The following HECW1 variants were observed in gnomAD, a reference collection of about 807,000 sequenced individuals.
The protein encoded by HECW1 is HECT, C2 and WW domain containing E3 ubiquitin protein ligase 1, also known as E3 ubiquitin-protein ligase HECW1.
Under a neutral mutation model 182.3 loss-of-function variants are expected in HECW1, and 61 were observed. The observed-to-expected ratio is 0.33, with a 90% CI of 0.27 to 0.41. The LOEUF (loss-of-function observed/expected upper bound fraction) is 0.41. HECW1 is among the 10% of genes least tolerant of loss of function. HECW1 has a pLI of 1.00. For synonymous variants in HECW1, 859 were observed against 832.6 expected, an observed-to-expected ratio of 1.03 and a Z score of -0.55; for missense variants, 1,739 against 2,108.9, an observed-to-expected ratio of 0.82 and a Z score of 3.44.
intron 2 of HECW1, among the ~76,000 whole-genome samples, chr7:43,177,797 C>T (rs1439903165): frequency 6.6e-6 from 1 of 152,188 alleles, no homozygotes; most frequent in East Asian, 1.9e-4. Flanking sequence ...ATCTCAATGC[C>T]TTCTCCCCTT....
At chr7:43,200,369 TAAG>T (rs1277556412) in intron 2 of HECW1, among the ~76,000 whole-genome samples, 1 of 152,232 alleles carries the variant, frequency 6.6e-6, no homozygotes, top group Non-Finnish European at 1.5e-5. Context: ...GTCAAAAACT[TAAG>T]AATGGAAAAT....
At chr7:43,295,558 G>C (rs1266885988) in intron 3 of HECW1, among the ~76,000 whole-genome samples, 2 of 152,162 alleles carry the variant, frequency 1.3e-5, no homozygotes, top group Non-Finnish European at 2.9e-5. Flanking sequence ...TCAGCCTGCT[G>C]TTGGAGGGAG....
chr7:43,234,690 G>T (rs1798163121), intron 2 of HECW1, among the ~76,000 whole-genome samples: 1 of 152,142 alleles, frequency 6.6e-6, no homozygotes, highest in Non-Finnish European at 1.5e-5. Context: ...GAAGTTGCAT[G>T]ATCTCTAACA....
At chr7:43,182,017 C>T (rs1792913684) in intron 2 of HECW1, among the ~76,000 whole-genome samples, 1 of 152,020 alleles carries the variant, frequency 6.6e-6, no homozygotes, top group African/African-American at 2.4e-5. Flanking sequence ...ATCTCCTGAC[C>T]TCGTGATCTA....
At chr7:43,348,169 T>A (rs2330790) in intron 5 of HECW1, among the ~76,000 whole-genome samples, 142,075 of 152,190 alleles carry the variant, frequency 0.93, 66,388 homozygotes, top group East Asian at 0.96. Flanking sequence ...TGTAATTTTT[T>A]AATTACCATT....
intron 24 of HECW1, among the ~76,000 whole-genome samples, chr7:43,527,448 G>A (rs115597954): frequency 0.018 from 2,812 of 152,200 alleles, 79 homozygotes; most frequent in African/African-American, 0.063. Context: ...CATCACTCCA[G>A]TCTCTGCCTC....
chr7:43,161,542 T>C (rs1790527335), intron 2 of HECW1: 1 of 152,216 alleles, frequency 6.6e-6, no homozygotes, highest in Non-Finnish European at 1.5e-5. Flanking sequence ...GCACCAGTAG[T>C]GCATGGTACA....
At chr7:43,282,055 G>A (rs1803989802) in intron 3 of HECW1, among the ~76,000 whole-genome samples, 1 of 152,148 alleles carries the variant, frequency 6.6e-6, no homozygotes, top group Non-Finnish European at 1.5e-5. Context: ...TCAGATATTA[G>A]TTGTGCAGCT....
At chr7:43,288,817 C>A (rs1805002622) in intron 3 of HECW1, among the ~76,000 whole-genome samples, 1 of 152,252 alleles carries the variant, frequency 6.6e-6, no homozygotes, top group African/African-American at 2.4e-5. Flanking sequence ...AGTGGTTCAT[C>A]TCACCCACTG....
chr7:43,219,847 C>T (rs1028050496), intron 2 of HECW1, among the ~76,000 whole-genome samples: 5 of 152,100 alleles, frequency 3.3e-5, no homozygotes, highest in African/African-American at 7.2e-5. Context: ...AGAAATTGGG[C>T]ATAAGACAAT....
chr7:43,187,852 C>T (rs1308265102), intron 2 of HECW1, among the ~76,000 whole-genome samples: 1 of 152,124 alleles, frequency 6.6e-6, no homozygotes, highest in African/African-American at 2.4e-5. Context: ...TACCCCAAAA[C>T]TACACTAAAA....
chr7:43,126,735 G>A (rs909737052), intron 2 of HECW1, among the ~76,000 whole-genome samples: 3 of 152,140 alleles, frequency 2.0e-5, no homozygotes, highest in African/African-American at 7.2e-5. Flanking sequence ...TAGTTTCCTT[G>A]TGTCACATTT....
intron 7 of HECW1, among the ~76,000 whole-genome samples, chr7:43,400,646 A>G (rs2075375011): frequency 6.6e-6 from 1 of 152,220 alleles, no homozygotes; most frequent in South Asian, 2.1e-4. Context: ...ATAAGAGATC[A>G]AAGATGAGAA....
At chr7:43,309,307 GT>G (rs1173405223) in intron 3 of HECW1, among the ~76,000 whole-genome samples, 2 of 152,144 alleles carry the variant, frequency 1.3e-5, no homozygotes, top group Non-Finnish European at 2.9e-5. Flanking sequence ...GTGGGAGAGG[GT>G]GGGGTGCAAG....
At chr7:43,411,423 AC>A (rs1014748071) in intron 8 of HECW1, among the ~76,000 whole-genome samples, 5 of 152,168 alleles carry the variant, frequency 3.3e-5, no homozygotes, top group Admixed American at 6.5e-5. Flanking sequence ...TGGTAGGCTT[AC>A]CATATCAACT....
At chr7:43,535,905 G>A (rs1198529178) in intron 24 of HECW1, among the ~76,000 whole-genome samples, 1 of 152,050 alleles carries the variant, frequency 6.6e-6, no homozygotes, top group African/African-American at 2.4e-5. Flanking sequence ...ATTTTTCTTT[G>A]GCAGGAGGGA....
intron 2 of HECW1, among the ~76,000 whole-genome samples, chr7:43,221,006 G>A (rs1796891023): frequency 6.6e-6 from 1 of 152,186 alleles, no homozygotes; most frequent in Admixed American, 6.5e-5. Context: ...GGGACCATTT[G>A]GGCTCAGCAT....
chr7:43,222,835 C>A (rs1348659540), intron 2 of HECW1, among the ~76,000 whole-genome samples: 1 of 152,112 alleles, frequency 6.6e-6, no homozygotes, highest in Non-Finnish European at 1.5e-5. Flanking sequence ...GGGCTGTGAT[C>A]TTCTCTCCTG....
At chr7:43,123,937 AT>A (rs1785906983) in intron 2 of HECW1, among the ~76,000 whole-genome samples, 1 of 152,226 alleles carries the variant, frequency 6.6e-6, no homozygotes, top group Admixed American at 6.5e-5. Context: ...TTAATGAACC[AT>A]TTAAGCTATA....
Sources: allele counts gnomAD v4.1 joint callset (sites outside exome capture counted in the v4.1 genomes callset), GRCh38; gene constraint gnomAD v4.1.1; transcripts MANE v1.5; gene names NCBI Gene and HGNC (gene_info 2026-07-23, HGNC 2026-07-21).